Variants in PCCA observed in about 807,000 individuals in gnomAD.
PCCA encodes the protein propionyl-CoA carboxylase alpha chain, mitochondrial.
In PCCA, 74 loss-of-function variants were observed where a neutral mutation model predicts 101.3. That is an observed-to-expected ratio of 0.73 (90% confidence interval 0.61 to 0.89). The LOEUF (loss-of-function observed/expected upper bound fraction) is 0.89. Among genes scored for constraint, PCCA ranks in the 40% least tolerant of loss-of-function variants. PCCA has a pLI of 0.00. For synonymous variants in PCCA, 294 were observed against 313.6 expected (o/e 0.94, Z 0.66); for missense variants, 891 against 907.0 (o/e 0.98, Z 0.23).
chr13:100,527,790 G>C, intron 23 of PCCA, 38 bp downstream of exon 23: 1 of 1,443,448 alleles, frequency 6.9e-7, no homozygotes, highest in South Asian at 1.1e-5. Context: ...GGCCGGCCCT[G>C]TGATGGAGGA....
chr13:100,220,901 C>G (rs1438959019), intron 7 of PCCA, among the ~76,000 whole-genome samples: 1 of 152,208 alleles, frequency 6.6e-6, no homozygotes, highest in Non-Finnish European at 1.5e-5. Context: ...TTGGCCATCT[C>G]TAACTGCAAA....
intron 21 of PCCA, among the ~76,000 whole-genome samples, chr13:100,456,067 T>A (rs529939104): frequency 1.3e-5 from 2 of 152,346 alleles, no homozygotes; most frequent in African/African-American, 4.8e-5. Flanking sequence ...TTGTTCCACA[T>A]CTTCACTTGG....
intron 21 of PCCA, among the ~76,000 whole-genome samples, chr13:100,495,520 A>C (rs957686085): frequency 1.3e-5 from 2 of 152,186 alleles, no homozygotes; most frequent in African/African-American, 4.8e-5. Context: ...TGTGAGAAAA[A>C]TCCTTATTTG....
intron 16 of PCCA, among the ~76,000 whole-genome samples, chr13:100,310,280 G>A (rs2066809401): frequency 6.6e-6 from 1 of 152,138 alleles, no homozygotes; most frequent in Admixed American, 6.5e-5. Context: ...ATCTATATAT[G>A]CGAGTTTAGA....
At chr13:100,190,550 C>T (rs182409036) in intron 6 of PCCA, among the ~76,000 whole-genome samples, 2 of 152,168 alleles carry the variant, frequency 1.3e-5, no homozygotes, top group African/African-American at 2.4e-5. Context: ...TGGCATATAC[C>T]TGTAGTCCCA....
chr13:100,422,435 G>A (rs2078894512), intron 19 of PCCA, among the ~76,000 whole-genome samples: 2 of 152,100 alleles, frequency 1.3e-5, no homozygotes. Flanking sequence ...ACCATGCCTG[G>A]CCATAATTCT....
chr13:100,328,021 C>T (rs1255142774), intron 16 of PCCA, among the ~76,000 whole-genome samples: 2 of 152,012 alleles, frequency 1.3e-5, no homozygotes, highest in South Asian at 2.1e-4. Context: ...CCCAGGAGTT[C>T]GAGACCAGCC....
chr13:100,188,315 AAAAC>A (rs2057464129), intron 6 of PCCA, among the ~76,000 whole-genome samples: 1 of 147,162 alleles, frequency 6.8e-6, no homozygotes, highest in African/African-American at 2.5e-5. Flanking sequence ...AAAACAAAAC[AAAAC>A]AAAACAAAAA....
intron 6 of PCCA, among the ~76,000 whole-genome samples, chr13:100,175,588 T>C (rs186283270): frequency 1.1e-3 from 164 of 152,286 alleles, no homozygotes; most frequent in African/African-American, 3.6e-3. Context: ...TCATTAGTGG[T>C]GGCAAGTCCA....
intron 22 of PCCA, 25 bp downstream of exon 22, chr13:100,515,592 C>T: frequency 6.2e-7 from 1 of 1,611,576 alleles, no homozygotes; most frequent in South Asian, 1.1e-5. Context: ...TGTCTCTCTG[C>T]AGGACATGCT....
At chr13:100,229,115 T>G (rs968893786) in intron 7 of PCCA, among the ~76,000 whole-genome samples, 2 of 152,076 alleles carry the variant, frequency 1.3e-5, no homozygotes, top group East Asian at 3.9e-4. Context: ...ACTTAAAAAT[T>G]ATGGAGTAGA....
intron 6 of PCCA, among the ~76,000 whole-genome samples, chr13:100,203,703 A>T (rs183895669): frequency 1.3e-5 from 2 of 152,114 alleles, no homozygotes; most frequent in African/African-American, 2.4e-5. Flanking sequence ...AAAAAAAATT[A>T]TGTTGGATTT....
chr13:100,487,068 G>A (rs2084437727), intron 21 of PCCA, among the ~76,000 whole-genome samples: 1 of 152,130 alleles, frequency 6.6e-6, no homozygotes, highest in Admixed American at 6.5e-5. Flanking sequence ...CAATATATTT[G>A]AAAAATACAC....
At chr13:100,306,867 C>T (rs2066492132) in intron 14 of PCCA, among the ~76,000 whole-genome samples, 1 of 152,210 alleles carries the variant, frequency 6.6e-6, no homozygotes, top group South Asian at 2.1e-4. Flanking sequence ...GTGCAGTTAG[C>T]AAGGGCATCG....
At chr13:100,400,699 C>G (rs982984515) in intron 19 of PCCA, among the ~76,000 whole-genome samples, 2 of 141,076 alleles carry the variant, frequency 1.4e-5, no homozygotes, top group African/African-American at 5.4e-5. Flanking sequence ...GATCTCAGCT[C>G]ACTGCAACCT....
At chr13:100,403,118 A>T (rs114176409) in intron 19 of PCCA, among the ~76,000 whole-genome samples, 2,294 of 152,204 alleles carry the variant, frequency 0.015, 61 homozygotes, top group African/African-American at 0.053. Context: ...ATACAACTGT[A>T]GCAGGTTGGA....
intron 1 of PCCA, among the ~76,000 whole-genome samples, chr13:100,097,058 T>C (rs1445772357): frequency 6.6e-6 from 1 of 152,160 alleles, no homozygotes; most frequent in African/African-American, 2.4e-5. Context: ...TTTTGAACAA[T>C]AATTAATTGG....
Position 100,194,922 on chromosome 13 carries a change from T to G in PCCA, c.469-14410T>G, listed in dbSNP as rs2058011536. 1.3e-5 allele frequency among the ~76,000 whole-genome samples: 2 copies of G among 152,172 alleles called. 1 individual carries two copies. The highest frequency in any genetic ancestry group is 1.3e-4 in the Admixed American group (2 of 15,274). On this transcript the variant is annotated intron_variant, in intron 6 of 23. Coordinates refer to ENST00000376285, the MANE Select transcript of PCCA (RefSeq NM_000282.4). ...AAGTGTTATCAAATCTTCATTTTTT[T>G]GCTTATACTGTAAAATTGCCAATTA...
At chr13:100,413,079 A>G (rs1217778598) in intron 19 of PCCA, among the ~76,000 whole-genome samples, 1 of 152,238 alleles carries the variant, frequency 6.6e-6, no homozygotes, top group East Asian at 1.9e-4. Flanking sequence ...CCTGCTGGAA[A>G]ATCCTTGGTA....
Sources: allele counts gnomAD v4.1 joint callset (sites outside exome capture counted in the v4.1 genomes callset), GRCh38; gene constraint gnomAD v4.1.1; transcripts MANE v1.5; gene names NCBI Gene and HGNC (gene_info 2026-07-23, HGNC 2026-07-21).